AGBL1: variants seen among roughly 807,000 people sequenced by gnomAD.
The protein encoded by AGBL1 is cytosolic carboxypeptidase 4.
AGBL1 carries 130 observed loss-of-function variants against 118.9 expected under a neutral mutation model. That is an observed-to-expected ratio of 1.09 (90% CI 0.95 to 1.26). The LOEUF is 1.26. Ranked by LOEUF, AGBL1 falls within the 50% of genes most tolerant of loss-of-function variation. The probability of loss-of-function intolerance (pLI) is 0.00; values close to 1 mark genes in which losing one functional copy is unlikely to be tolerated. For missense variants in AGBL1, 1,584 were observed against 1,298.1 expected (o/e 1.22, Z -3.38); for synonymous variants, 555 against 478.9 (o/e 1.16, Z -2.08).
At chr15:86,409,575 G>A (rs1283620057) in intron 18 of AGBL1, among the ~76,000 whole-genome samples, 1 of 152,078 alleles carries the variant, frequency 6.6e-6, no homozygotes, top group East Asian at 1.9e-4. Context: ...CAAATTTAGA[G>A]TTATTAATTA....
At chr15:86,603,639 C>T (rs1250480920) in intron 21 of AGBL1, among the ~76,000 whole-genome samples, 1 of 152,090 alleles carries the variant, frequency 6.6e-6, no homozygotes, top group Non-Finnish European at 1.5e-5. Flanking sequence ...TCGAATCTCT[C>T]AGAGGGGAGC....
chr15:86,410,786 G>T, intron 18 of AGBL1, among the ~76,000 whole-genome samples: 1 of 78,144 alleles, frequency 1.3e-5, no homozygotes, highest in Non-Finnish European at 2.4e-5. Context: ...TTTTGCAGAG[G>T]AAGAGACAAG....
At chr15:86,393,432 A>G (rs569884954) in intron 17 of AGBL1, among the ~76,000 whole-genome samples, 205 of 152,332 alleles carry the variant, frequency 1.3e-3, no homozygotes, top group African/African-American at 4.8e-3. Flanking sequence ...TTGTTGTCCA[A>G]TATGCTGCAA....
chr15:86,209,515 A>G (rs900133343), intron 5 of AGBL1, among the ~76,000 whole-genome samples: 2 of 152,262 alleles, frequency 1.3e-5, no homozygotes, highest in Admixed American at 6.5e-5. Context: ...TTGGGTGCAT[A>G]TATATTTAGG....
intron 16 of AGBL1, among the ~76,000 whole-genome samples, chr15:86,291,757 G>T (rs974848250): frequency 6.6e-6 from 1 of 152,154 alleles, no homozygotes; most frequent in Non-Finnish European, 1.5e-5. Flanking sequence ...TGTAGGTTGT[G>T]TGTGTGTGCT....
intron 3 of AGBL1, among the ~76,000 whole-genome samples, chr15:86,151,318 A>G (rs1420830729): frequency 6.9e-5 from 10 of 144,410 alleles, no homozygotes; most frequent in Non-Finnish European, 1.5e-4. Context: ...AAAAAAAAAA[A>G]GCTTATCCAC....
At chr15:86,606,091 C>T (rs565324830) in intron 21 of AGBL1, among the ~76,000 whole-genome samples, 5 of 131,588 alleles carry the variant, frequency 3.8e-5, no homozygotes, top group African/African-American at 1.5e-4. Flanking sequence ...GGTGCCACTG[C>T]ACTCCAGCAT....
intron 1 of AGBL1, among the ~76,000 whole-genome samples, chr15:86,095,737 T>C (rs1263337842): frequency 2.1e-5 from 3 of 139,916 alleles, no homozygotes; most frequent in Admixed American, 1.5e-4. Flanking sequence ...CTCTCTGTGG[T>C]TGGGGGGATA....
chr15:86,500,024 A>G lies in AGBL1; in HGVS notation c.2556-22786A>G, dbSNP rs571491003. Among the ~76,000 whole-genome samples the G allele has an allele frequency of 2.0e-5, 3 of 151,914 alleles. No homozygotes were observed. The South Asian group carries it at 6.2e-4, about 32-fold the overall frequency. ...AAAGAGCTTGTCAGTTGCCAATCTG[A>G]GCTATTTTTATGTTGTGTGAAAGCT... On this transcript the variant is annotated intron_variant, in intron 18 of 22. Transcript: ENST00000614907.
chr15:86,214,572 C>T (rs763730825), intron 5 of AGBL1, among the ~76,000 whole-genome samples: 6 of 152,316 alleles, frequency 3.9e-5, no homozygotes, highest in Non-Finnish European at 8.8e-5. Context: ...AGTCACACCT[C>T]TATGTAGAAA....
At chr15:86,871,638 C>T (rs555942199) in intron 22 of AGBL1, among the ~76,000 whole-genome samples, 1 of 152,292 alleles carries the variant, frequency 6.6e-6, no homozygotes, top group Admixed American at 6.5e-5. Context: ...CCCCTGGCCT[C>T]TTCCAATGGT....
chr15:86,944,845 A>G (rs753424571), intron 23 of AGBL1, among the ~76,000 whole-genome samples: 12 of 152,196 alleles, frequency 7.9e-5, no homozygotes, highest in Non-Finnish European at 1.8e-4. Context: ...TAGAGTGACA[A>G]TACAATTTAT....
chr15:86,735,653 G>GATATATATAT lies in AGBL1; in HGVS notation c.3158+61218_3158+61219insTATATATATA, dbSNP rs1460820444. Among the ~76,000 whole-genome samples, 1,240 of 143,048 alleles carry GATATATATAT rather than the reference G, an allele frequency of 8.7e-3. 25 individuals carry two copies. The highest frequency in any genetic ancestry group is 0.025 in the African/African-American group (915 of 37,242). The allele number at this position is 143,048 out of a possible 152,430, so 93.8% of individuals were successfully genotyped here. On this transcript the variant is annotated intron_variant, in intron 22 of 22. Transcript: ENST00000614907. ...GTGTGTGTATTTCCTGCTACAAAGA[G>GATATATATAT]AGATATATATATATATTTTATTTGT... is the stretch of plus-strand genomic sequence containing the variant.
At chr15:86,833,287 G>A (rs2079131469) in intron 22 of AGBL1, among the ~76,000 whole-genome samples, 2 of 152,046 alleles carry the variant, frequency 1.3e-5, no homozygotes, top group South Asian at 4.2e-4. Context: ...TACTTAATAT[G>A]GTTTGGCTGT....
chr15:86,576,946 A>C (rs1567066841), intron 21 of AGBL1, among the ~76,000 whole-genome samples: 1 of 152,186 alleles, frequency 6.6e-6, no homozygotes, highest in Non-Finnish European at 1.5e-5. Context: ...TAAATTGCCC[A>C]GTCTTGGATA....
At chr15:86,251,284 C>T (rs1196686702) in intron 7 of AGBL1, among the ~76,000 whole-genome samples, 2 of 152,190 alleles carry the variant, frequency 1.3e-5, no homozygotes, top group Non-Finnish European at 1.5e-5. Context: ...CTTTTGCCCA[C>T]TGTACCAGCA....
intron 17 of AGBL1, among the ~76,000 whole-genome samples, chr15:86,298,296 A>ATC (rs386383688): frequency 1.9e-5 from 2 of 103,430 alleles, no homozygotes; most frequent in African/African-American, 7.4e-5. Context: ...CTATATATAT[A>ATC]TGGTAGCTAT....
intron 18 of AGBL1, among the ~76,000 whole-genome samples, chr15:86,475,394 T>A (rs931613932): frequency 6.6e-6 from 1 of 152,138 alleles, no homozygotes; most frequent in Admixed American, 6.5e-5. Flanking sequence ...CTGATGGAGC[T>A]GAAAACCATG....
intron 17 of AGBL1, among the ~76,000 whole-genome samples, chr15:86,354,478 G>A (rs2080681271): frequency 6.6e-6 from 1 of 152,202 alleles, no homozygotes; most frequent in South Asian, 2.1e-4. Flanking sequence ...GAATGGAGCT[G>A]AGGTAGAAGA....
Sources: allele counts gnomAD v4.1 joint callset (sites outside exome capture counted in the v4.1 genomes callset), GRCh38; gene constraint gnomAD v4.1.1; transcripts MANE v1.5; gene names NCBI Gene and HGNC (gene_info 2026-07-23, HGNC 2026-07-21).